Variants in ENTREP2 observed in about 807,000 individuals in gnomAD.
ENTREP2 encodes the protein protein ENTREP2.
chr15:29,133,030 T>C, the ENTREP2 span, among the ~76,000 whole-genome samples: 1 of 152,138 alleles, frequency 6.6e-6, no homozygotes, highest in Non-Finnish European at 1.5e-5. Flanking sequence ...TTCAGGGGTT[T>C]CCGGGTCCAT....
chr15:29,124,566 C>G, the ENTREP2 span: 1 of 764,360 alleles, frequency 1.3e-6, no homozygotes, highest in Non-Finnish European at 2.1e-6. Context: ...AGTGGGCAGC[C>G]CCCATTCCCG....
chr15:29,478,025 T>TTTTTATATATATATATATATATA, the ENTREP2 span, among the ~76,000 whole-genome samples: 1 of 122,824 alleles, frequency 8.1e-6, no homozygotes, highest in African/African-American at 3.4e-5. Flanking sequence ...ATATATTTTT[T>TTTTTATATATATATATATATATA]TTTTTTTTTT....
At chr15:29,666,930 T>C in the ENTREP2 span, among the ~76,000 whole-genome samples, 1 of 152,198 alleles carries the variant, frequency 6.6e-6, no homozygotes, top group African/African-American at 2.4e-5. Context: ...CAGCTTCTGG[T>C]GGTTCCCATA....
the ENTREP2 span, among the ~76,000 whole-genome samples, chr15:29,207,976 A>C: frequency 6.6e-6 from 1 of 152,120 alleles, no homozygotes; most frequent in East Asian, 1.9e-4. Flanking sequence ...CTTCCCTGCC[A>C]AGCTAGGGAC....
chr15:29,269,737 G>A, the ENTREP2 span: 6 of 1,457,310 alleles, frequency 4.1e-6, no homozygotes, highest in Admixed American at 3.1e-5. Flanking sequence ...CGCACACTCC[G>A]GTAGGCAAGC....
At chr15:29,217,560 A>T in the ENTREP2 span, among the ~76,000 whole-genome samples, 1 of 152,166 alleles carries the variant, frequency 6.6e-6, no homozygotes, top group Non-Finnish European at 1.5e-5. Flanking sequence ...GAGACTTTCC[A>T]GAGCACTTTG....
At chr15:29,559,914 C>A in the ENTREP2 span, among the ~76,000 whole-genome samples, 1 of 152,204 alleles carries the variant, frequency 6.6e-6, no homozygotes, top group Non-Finnish European at 1.5e-5. Context: ...TTGACCTAAC[C>A]CATATTCAAC....
chr15:29,195,887 T>C, the ENTREP2 span, among the ~76,000 whole-genome samples: 1 of 152,346 alleles, frequency 6.6e-6, no homozygotes, highest in East Asian at 1.9e-4. Flanking sequence ...AAGAATTGGG[T>C]TCACTCTTCT....
the ENTREP2 span, among the ~76,000 whole-genome samples, chr15:29,394,821 G>A: frequency 6.6e-6 from 1 of 150,466 alleles, no homozygotes; most frequent in Admixed American, 6.6e-5. Context: ...TTTGTGACAG[G>A]CTTCTATCAC....
the ENTREP2 span, among the ~76,000 whole-genome samples, chr15:29,325,217 A>G: frequency 1.3e-5 from 2 of 152,182 alleles, no homozygotes; most frequent in Non-Finnish European, 2.9e-5. Context: ...CTAAATGCCT[A>G]TAACAGAAAA....
the ENTREP2 span, among the ~76,000 whole-genome samples, chr15:29,620,078 G>A: frequency 6.6e-6 from 1 of 152,132 alleles, no homozygotes; most frequent in African/African-American, 2.4e-5. Context: ...TCATGCAAAT[G>A]TGGGAACTGG....
At chr15:29,154,099 T>C in the ENTREP2 span, among the ~76,000 whole-genome samples, 7 of 152,270 alleles carry the variant, frequency 4.6e-5, no homozygotes, top group Admixed American at 4.6e-4. Flanking sequence ...TTTGTATGTC[T>C]ATGTGATATC....
At chr15:29,445,897 A>G in the ENTREP2 span, among the ~76,000 whole-genome samples, 1 of 152,210 alleles carries the variant, frequency 6.6e-6, no homozygotes, top group Non-Finnish European at 1.5e-5. Context: ...CAGTGTCAGG[A>G]CTGAACTGAC....
the ENTREP2 span, among the ~76,000 whole-genome samples, chr15:29,539,536 G>A: frequency 1.3e-5 from 2 of 151,990 alleles, no homozygotes; most frequent in African/African-American, 2.4e-5. Context: ...ACTCAACCCT[G>A]GCTGTACTTT....
At chr15:29,564,304 T>G in the ENTREP2 span, among the ~76,000 whole-genome samples, 2 of 152,240 alleles carry the variant, frequency 1.3e-5, no homozygotes, top group African/African-American at 4.8e-5. Flanking sequence ...GTCCTTCTTT[T>G]CCAAGGCTAT....
the ENTREP2 span, among the ~76,000 whole-genome samples, chr15:29,635,801 C>T: frequency 6.6e-6 from 1 of 152,178 alleles, no homozygotes; most frequent in Admixed American, 6.5e-5. Flanking sequence ...TGCAGACCTG[C>T]TCCTGTCTTA....
At chr15:29,215,814 A>C in the ENTREP2 span, among the ~76,000 whole-genome samples, 2 of 152,108 alleles carry the variant, frequency 1.3e-5, no homozygotes, top group African/African-American at 4.8e-5. Context: ...TCCTGAAGGC[A>C]GCAGATGGTT....
chr15:29,123,368 A>T, the ENTREP2 span: 1 of 1,542,930 alleles, frequency 6.5e-7, no homozygotes. Flanking sequence ...TCAGCGCCGA[A>T]GACGGCCTCC....
At chr15:29,202,835 A>T in the ENTREP2 span, among the ~76,000 whole-genome samples, 2 of 152,222 alleles carry the variant, frequency 1.3e-5, no homozygotes, top group Non-Finnish European at 2.9e-5. Context: ...TTATGGCTGC[A>T]TAGTATTCCA....
Sources: gnomAD v4.1 joint callset for allele counts (sites outside exome capture counted in the v4.1 genomes callset) on GRCh38, gnomAD v4.1.1 for gene constraint, MANE v1.5 for transcripts, NCBI Gene and HGNC (gene_info 2026-07-23, HGNC 2026-07-21) for gene names.